The following BOLL variants were observed in gnomAD, a reference collection of about 807,000 sequenced individuals.
The protein encoded by BOLL is protein boule-like.
BOLL carries 23 observed loss-of-function variants against 44.4 expected under a neutral mutation model. The observed-to-expected ratio is 0.52, with a 90% CI of 0.37 to 0.73. BOLL has a LOEUF of 0.73. Ranked by LOEUF, BOLL falls within the 30% of genes least tolerant of loss-of-function variation. BOLL has a pLI of 0.00. For synonymous variants in BOLL, 97 were observed against 110.8 expected, an observed-to-expected ratio of 0.88 and a Z score of 0.78; for missense variants, 287 against 338.3, an observed-to-expected ratio of 0.85 and a Z score of 1.19.
chr2:197,741,991 A>C (rs1484494417), intron 10 of BOLL, among the ~76,000 whole-genome samples: 1 of 152,226 alleles, frequency 6.6e-6, no homozygotes, highest in East Asian at 1.9e-4. Flanking sequence ...ACCCCATCAA[A>C]AAGTGGGTGA....
intron 3 of BOLL, among the ~76,000 whole-genome samples, chr2:197,778,684 C>CTAAT (rs777335788): frequency 5.9e-5 from 9 of 151,782 alleles, no homozygotes; most frequent in Non-Finnish European, 1.0e-4. Context: ...CATTCCTCAG[C>CTAAT]TAATGTACAT....
intron 9 of BOLL, among the ~76,000 whole-genome samples, chr2:197,754,587 G>A (rs1314348323): frequency 6.6e-6 from 1 of 152,078 alleles, no homozygotes; most frequent in South Asian, 2.1e-4. Context: ...GGTGGCACGT[G>A]CCTGTAGTCC....
Position 197,781,871 on chromosome 2 carries a change from A to T in BOLL, c.-15-6T>A. On this transcript the variant is annotated splice_polypyrimidine_tract_variant and splice_region_variant and intron_variant, in intron 1 of 10. Coordinates refer to ENST00000392296, the MANE Select transcript of BOLL (RefSeq NM_033030.6). ...TGCATCTGGTTTGATGTTTGCTGTA[A>T]AATAAAATTCTTTTACACTTTTTGC... The T allele has an allele frequency of 6.3e-7, 1 of 1,580,974 alleles. No homozygotes were observed. Among genetic ancestry groups the T allele is most frequent in the Non-Finnish European group, 8.6e-7 (1 of 1,157,640 alleles).
chr2:197,731,533 A>G (rs1211393916), intron 10 of BOLL, among the ~76,000 whole-genome samples: 1 of 101,492 alleles, frequency 9.9e-6, no homozygotes, highest in Non-Finnish European at 1.9e-5. Context: ...ACCACACCAC[A>G]CCTATTCCAA....
At chr2:197,733,698 A>G (rs957042949) in intron 10 of BOLL, among the ~76,000 whole-genome samples, 2 of 152,148 alleles carry the variant, frequency 1.3e-5, no homozygotes, top group African/African-American at 4.8e-5. Flanking sequence ...CCTGAGAAAA[A>G]CAAGCAATGG....
At chr2:197,729,646 TCCCTGAC>T (rs1301023456) in intron 10 of BOLL, among the ~76,000 whole-genome samples, 25 of 152,154 alleles carry the variant, frequency 1.6e-4, no homozygotes, top group African/African-American at 5.5e-4. Flanking sequence ...CTCAAGTGGG[TCCCTGAC>T]CCCTGACCCC....
intron 8 of BOLL, among the ~76,000 whole-genome samples, 176 bp from the exon 9 acceptor site, chr2:197,756,732 C>T (rs571853740): frequency 1.3e-5 from 2 of 152,220 alleles, no homozygotes; most frequent in African/African-American, 2.4e-5. Context: ...TAAATTCCAA[C>T]TGTGTAGATG....
At chr2:197,778,929 GAA>G (rs1376657532) in intron 3 of BOLL, 44 bp downstream of exon 3, 1 of 1,510,668 alleles carries the variant, frequency 6.6e-7, no homozygotes, top group Admixed American at 1.9e-5. Flanking sequence ...GTCATCCAAT[GAA>G]AATAGAGTTG....
At chr2:197,785,328 C>A (rs1460669508), upstream of BOLL, 1 of 985,746 alleles carries the variant, frequency 1.0e-6, no homozygotes, top group Non-Finnish European at 1.2e-6. The surrounding 1 kb of genome is among the most constrained non-coding windows in gnomAD (Gnocchi z 6.7). Context: ...CTGGTCCCCA[C>A]CCTCGCGCGG....
At chr2:197,763,425 C>T (rs981026475) in intron 7 of BOLL, among the ~76,000 whole-genome samples, 9 of 144,394 alleles carry the variant, frequency 6.2e-5, no homozygotes, top group Non-Finnish European at 1.2e-4. Flanking sequence ...GAGCTTGCAG[C>T]GAGCAGAGAT....
intron 5 of BOLL, 112 bp downstream of exon 5, chr2:197,775,553 C>A (rs1201837909): frequency 2.8e-6 from 2 of 722,166 alleles, no homozygotes; most frequent in Non-Finnish European, 4.3e-6. Context: ...GCTAAAATAA[C>A]TTTATTAGAT....
intron 9 of BOLL, among the ~76,000 whole-genome samples, chr2:197,753,833 A>G (rs1384722056): frequency 1.3e-5 from 2 of 152,222 alleles, no homozygotes; most frequent in African/African-American, 4.8e-5. Context: ...AGACACATGC[A>G]CATGTATGTT....
At chr2:197,781,495 C>T (rs1459847500) in intron 2 of BOLL, among the ~76,000 whole-genome samples, 1 of 152,058 alleles carries the variant, frequency 6.6e-6, no homozygotes, top group Non-Finnish European at 1.5e-5. Context: ...TGGCTAGCAG[C>T]CCACAGCAAG....
Position 197,771,839 on chromosome 2 carries a change from A to C in BOLL, c.480+16T>G, listed in dbSNP as rs776319816. The C allele has an allele frequency of 6.5e-7, 1 of 1,546,858 alleles. No homozygotes were observed. The highest frequency in any genetic ancestry group is 1.3e-5 in the South Asian group (1 of 79,704). On this transcript the variant is annotated intron_variant, in intron 6 of 10. Coordinates refer to ENST00000392296, the MANE Select transcript of BOLL (RefSeq NM_033030.6). The stretch of plus-strand genomic sequence containing the variant: ...TAGTAATAGATGGAAATCCTTTTTT[A>C]AATGAAATTACTTACAGGCCAAGGC...
chr2:197,733,816 A>G (rs1275404026), intron 10 of BOLL, among the ~76,000 whole-genome samples: 2 of 152,196 alleles, frequency 1.3e-5, no homozygotes, highest in African/African-American at 4.8e-5. Context: ...TTAATTCAAG[A>G]TGGATTAAAG....
At chr2:197,750,232 G>A (rs943104204) in intron 9 of BOLL, among the ~76,000 whole-genome samples, 7 of 152,016 alleles carry the variant, frequency 4.6e-5, no homozygotes, top group African/African-American at 1.5e-4. Flanking sequence ...TAAGGAAACC[G>A]CATCAACTAA....
intron 6 of BOLL, among the ~76,000 whole-genome samples, chr2:197,769,125 T>C: frequency 6.6e-6 from 1 of 152,030 alleles, no homozygotes; most frequent in Non-Finnish European, 1.5e-5. Flanking sequence ...AAATTCTCTT[T>C]TTTTGTTGTG....
At chr2:197,777,251 G>T in intron 3 of BOLL, 138 bp from the exon 4 acceptor site, 1 of 441,292 alleles carries the variant, frequency 2.3e-6, no homozygotes, top group South Asian at 6.0e-5. Context: ...GCACTAGCAT[G>T]GGAATCTTAG....
At chr2:197,762,591 A>G (rs1190141007) in intron 7 of BOLL, among the ~76,000 whole-genome samples, 1 of 152,222 alleles carries the variant, frequency 6.6e-6, no homozygotes, top group East Asian at 1.9e-4. Context: ...CAAGATATCA[A>G]TAACAAGAAA....
Sources: gnomAD v4.1 joint callset for allele counts (sites outside exome capture counted in the v4.1 genomes callset) on GRCh38, gnomAD v4.1.1 for gene constraint, Gnocchi (gnomAD v3.1) non-coding constraint, MANE v1.5 for transcripts, NCBI Gene and HGNC (gene_info 2026-07-23, HGNC 2026-07-21) for gene names.